The following ALMS1 variants were observed in gnomAD, a reference collection of about 807,000 sequenced individuals.
ALMS1 encodes ALMS1 centrosome and basal body associated protein.
In ALMS1, 271 loss-of-function variants were observed where a neutral mutation model predicts 352.2. That is an observed-to-expected ratio of 0.77 (90% CI 0.70 to 0.85). ALMS1 has a LOEUF of 0.85. Among genes scored for constraint, ALMS1 ranks in the 40% least tolerant of loss-of-function variants. ALMS1 has a pLI of 0.00. For synonymous variants in ALMS1, 1,865 were observed against 1,761.2 expected, an observed-to-expected ratio of 1.06 and a Z score of -1.48; for missense variants, 5,445 against 4,870.7, an observed-to-expected ratio of 1.12 and a Z score of -3.51.
intron 9 of ALMS1, among the ~76,000 whole-genome samples, chr2:73,478,488 G>A (rs966273866): frequency 2.6e-5 from 4 of 152,086 alleles, no homozygotes; most frequent in African/African-American, 9.7e-5. Flanking sequence ...GCTGGAATAG[G>A]TTTATGTTTC....
Position 73,451,295 on chromosome 2 carries a change from C to G in ALMS1, c.4768C>G (p.Leu1590Val). 6.2e-7 allele frequency: 1 copy of G among 1,614,066 alleles called. No homozygotes were observed. Residue 1590 changes from leucine (L) to valine (V), a missense_variant, in exon 8 of 23, where the codon CTA becomes GTA. Coordinates refer to ENST00000613296, the MANE Select transcript of ALMS1 (RefSeq NM_001378454.1). The stretch of plus-strand genomic sequence containing the variant: ...CAAACAGGCCTTTCCAGATGGTCAT[C>G]TACCTGAAGAGGCTCTGAAAGTTTC... ...NYKQAFPDGH[L>V]PEEALKVSIV...
chr2:73,466,669 G>A (rs947108240), intron 9 of ALMS1, among the ~76,000 whole-genome samples: 1 of 151,848 alleles, frequency 6.6e-6, no homozygotes, highest in Non-Finnish European at 1.5e-5. Flanking sequence ...ATTCTAAGTG[G>A]TTACCTCAGA....
chr2:73,480,945 T>C (rs1672689178), intron 9 of ALMS1, among the ~76,000 whole-genome samples: 1 of 149,340 alleles, frequency 6.7e-6, no homozygotes, highest in African/African-American at 2.5e-5. Context: ...CTTGTAAATT[T>C]GTTTGAGTTC....
At chr2:73,500,426 G>A (rs552864232) in intron 10 of ALMS1, among the ~76,000 whole-genome samples, 1 of 152,234 alleles carries the variant, frequency 6.6e-6, no homozygotes, top group Admixed American at 6.5e-5. Context: ...CAGGACAGAA[G>A]GAGAAAAAGC....
rs756429982 is a variant in ALMS1 at position 73,421,207 on chromosome 2, CCTTA to C, written c.647-1645_647-1642del. Among the ~76,000 whole-genome samples the C allele has an allele frequency of 4.8e-4, 73 of 152,126 alleles. 1 individual carries two copies. The highest frequency in any genetic ancestry group is 3.9e-4 in the Admixed American group (6 of 15,284). ...TGTAACTTACTTGTTACTTACTATT[CCTTA>C]CTTATACTTAAATAGCTATTTTAGG... On this transcript the variant is annotated intron_variant, in intron 3 of 22. Transcript: ENST00000613296.
At chr2:73,547,072 A>G (rs1470039253) in intron 12 of ALMS1, among the ~76,000 whole-genome samples, 2 of 152,238 alleles carry the variant, frequency 1.3e-5, no homozygotes, top group Non-Finnish European at 2.9e-5. Flanking sequence ...ACAGTATTTA[A>G]TAAACTATAT....
In ALMS1 at chr2:73,419,331, T is replaced by C. The variant is rs765802500; in HGVS notation, c.646+13T>C. On this transcript the variant is annotated intron_variant, in intron 3 of 22. Transcript: ENST00000613296. ...TCTCCACTGCTAGGTAATGCCTGTT[T>C]ATTTTAACTAGTAGTAATACCTCAC... 1.6e-5 allele frequency: 26 copies of C among 1,609,298 alleles called. No homozygotes were observed. The highest frequency in any genetic ancestry group is 2.1e-5 in the Non-Finnish European group (25 of 1,175,620).
chr2:73,508,360 G>A (rs1380472990), intron 10 of ALMS1, among the ~76,000 whole-genome samples: 4 of 151,532 alleles, frequency 2.6e-5, no homozygotes, highest in African/African-American at 7.3e-5. Flanking sequence ...CTGCCACCAC[G>A]CCTGGCTAAT....
chr2:73,586,930 G>A (rs1243945907), intron 16 of ALMS1, among the ~76,000 whole-genome samples: 1 of 152,090 alleles, frequency 6.6e-6, no homozygotes, highest in Non-Finnish European at 1.5e-5. Context: ...TCTTTCAGCA[G>A]TGTGTTTCTC....
chr2:73,418,899 G>C (rs1251338389), intron 2 of ALMS1, among the ~76,000 whole-genome samples: 1 of 152,100 alleles, frequency 6.6e-6, no homozygotes, highest in African/African-American at 2.4e-5. Flanking sequence ...ATACAACTTA[G>C]TATAAAAGGT....
intron 10 of ALMS1, among the ~76,000 whole-genome samples, chr2:73,509,358 T>C (rs1195576054): frequency 6.6e-6 from 1 of 151,386 alleles, no homozygotes; most frequent in African/African-American, 2.4e-5. Context: ...GGTCTTTACA[T>C]TTTATTATTA....
intron 12 of ALMS1, among the ~76,000 whole-genome samples, chr2:73,549,904 A>G (rs1202564688): frequency 4.6e-5 from 7 of 152,088 alleles, no homozygotes; most frequent in African/African-American, 1.7e-4. Context: ...CTGCCACTCA[A>G]GCTGCAGTGC....
chr2:73,587,172 T>C (rs1376086408), intron 16 of ALMS1, among the ~76,000 whole-genome samples: 1 of 152,218 alleles, frequency 6.6e-6, no homozygotes, highest in Non-Finnish European at 1.5e-5. Flanking sequence ...CTAGGAACTT[T>C]TTGAATGAGT....
chr2:73,452,746 G>C lies in ALMS1; in HGVS notation c.6219G>C (p.Lys2073Asn). ...GAGATCAAAGTAAAGGTATTCTAAAGATTTCAGCTGTCCCTGAACTAACTG... is the reference window on the plus strand; with the variant it reads ...GAGATCAAAGTAAAGGTATTCTAAACATTTCAGCTGTCCCTGAACTAACTG... ...PDRDQSKGIL[K>N]ISAVPELTDV... Residue 2073 changes from lysine to asparagine, a missense_variant, in exon 8 of 23, where the codon AAG becomes AAC. By Grantham distance (94) the Lys-to-Asn change is moderately conservative. Transcript: ENST00000613296. The C allele has an allele frequency of 6.2e-7, 1 of 1,613,402 alleles. No individual in the cohort carries two copies. The highest frequency in any genetic ancestry group is 8.5e-7 in the Non-Finnish European group (1 of 1,179,910).
intron 9 of ALMS1, among the ~76,000 whole-genome samples, chr2:73,480,588 C>T (rs1210437114): frequency 6.6e-6 from 1 of 151,670 alleles, no homozygotes; most frequent in African/African-American, 2.4e-5. Context: ...TGGGTATATA[C>T]CCAGTAATGG....
rs372720564 is a variant in ALMS1, at chr2:73,485,147, T to C, written c.7675-4487T>C. On this transcript the variant is annotated intron_variant, in intron 9 of 22. Transcript: ENST00000613296. ...CTGTGTTCCTTTGGAGGAGGAGAGG[T>C]GCTCTGCTTTTTAGAGTTTCCAGTT... is the stretch of plus-strand genomic sequence containing the variant. Among the ~76,000 whole-genome samples, 4 of 152,302 alleles carry C rather than the reference T, an allele frequency of 2.6e-5. No individual in the cohort carries two copies. In the East Asian group the frequency reaches 5.8e-4, roughly 22 times the overall value.
chr2:73,503,100 T>A (rs1673250131), intron 10 of ALMS1, among the ~76,000 whole-genome samples: 1 of 152,118 alleles, frequency 6.6e-6, no homozygotes, highest in Non-Finnish European at 1.5e-5. Context: ...TTTTTTTATT[T>A]TTATTTTTTT....
chr2:73,565,102 A>G (rs1411963995), intron 15 of ALMS1, among the ~76,000 whole-genome samples: 1 of 152,198 alleles, frequency 6.6e-6, no homozygotes, highest in Non-Finnish European at 1.5e-5. Flanking sequence ...ATTCCCTAAA[A>G]TACCAAGCTC....
chr2:73,531,794 A>G (rs981094373), intron 11 of ALMS1, among the ~76,000 whole-genome samples: 4 of 152,224 alleles, frequency 2.6e-5, no homozygotes, highest in Admixed American at 2.0e-4. Flanking sequence ...CGGAAGGTGA[A>G]GGGGAAGCAA....
Sources: allele counts gnomAD v4.1 joint callset (sites outside exome capture counted in the v4.1 genomes callset), GRCh38; gene constraint gnomAD v4.1.1; transcripts MANE v1.5; gene names NCBI Gene and HGNC (gene_info 2026-07-23, HGNC 2026-07-21).